The following PCDHGB1 variants were observed in gnomAD, a reference collection of about 807,000 sequenced individuals.
The protein encoded by PCDHGB1 is protocadherin gamma-B1.
Under a neutral mutation model 56.6 loss-of-function variants are expected in PCDHGB1, and 34 were observed. The observed-to-expected ratio is 0.60, with a 90% CI of 0.46 to 0.80. The LOEUF (loss-of-function observed/expected upper bound fraction) is 0.80, where lower values mean the gene tolerates loss of function less well. PCDHGB1 is among the 30% of genes least tolerant of loss of function. The pLI is 0.00. For synonymous variants in PCDHGB1, 561 were observed against 505.9 expected, an observed-to-expected ratio of 1.11 and a Z score of -1.46; for missense variants, 1,278 against 1,204.6, an observed-to-expected ratio of 1.06 and a Z score of -0.90.
At position 141,413,888 on chromosome 5, in the gene PCDHGB1, A is replaced by G. The variant is rs777389288; in HGVS notation, c.2409+61219A>G. On this transcript the variant is annotated intron_variant, in intron 1 of 3. Transcript: ENST00000523390. Reference sequence around the variant, plus strand: ...GTCCTTGTCAGTGTGACTGTCTTCGATGCAAATGACAACGCGCCGGTCTTC... The same window carrying G: ...GTCCTTGTCAGTGTGACTGTCTTCGGTGCAAATGACAACGCGCCGGTCTTC... The G allele has an allele frequency of 2.5e-5, 40 of 1,613,256 alleles. No individual in the cohort carries two copies. Among genetic ancestry groups the G allele is most frequent in the Non-Finnish European group, 3.4e-5 (40 of 1,179,886 alleles).
At chr5:141,415,285 G>A (rs1561755891) in intron 1 of PCDHGB1, 3 of 1,614,216 alleles carry the variant, frequency 1.9e-6, no homozygotes, top group Non-Finnish European at 2.5e-6. Context: ...GGTGGCCGCG[G>A]TCTCCTGCGT....
At chr5:141,374,498 G>A in intron 1 of PCDHGB1, 8 of 1,611,504 alleles carry the variant, frequency 5.0e-6, no homozygotes, top group South Asian at 1.1e-5. Context: ...GGAAGAATTG[G>A]AAGTGAAAAT....
At chr5:141,356,818 C>T in intron 1 of PCDHGB1, 1 of 1,613,982 alleles carries the variant, frequency 6.2e-7, no homozygotes, top group Non-Finnish European at 8.5e-7. Context: ...CAGTGGAGAC[C>T]CTCCACTCAG....
Position 141,417,626 on chromosome 5 carries a change from T to C in PCDHGB1, c.2409+64957T>C, listed in dbSNP as rs1156653216. ...CCGTCGGCCAGTGCAGAGCAAGCGC[T>C]GACGCCGGGGATCCCTCAGCCTCTA... On this transcript the variant is annotated intron_variant, in intron 1 of 3. Coordinates refer to ENST00000523390, the MANE Select transcript of PCDHGB1 (RefSeq NM_018922.3). The C allele has an allele frequency of 4.4e-6, 3 of 689,458 alleles. No homozygotes were observed. In the African/African-American group the frequency reaches 5.4e-5, roughly 12 times the overall value. The allele number at this position is 689,458 out of a possible 1,614,324, so 42.7% of individuals were successfully genotyped here. A position where few individuals can be genotyped will look rare whatever the true frequency, so the allele number is the denominator to read the frequency against.
rs746796128 is a variant in PCDHGB1, at chr5:141,350,797, G to C, written c.537G>C (p.Thr179=). 3 of 1,613,996 alleles carry C rather than the reference G, an allele frequency of 1.9e-6. No homozygotes were observed. Among genetic ancestry groups the C allele is most frequent in the Non-Finnish European group, 2.5e-6 (3 of 1,179,888 alleles). The change falls in exon 1 of 4, where the codon ACG becomes ACC. Residue 179 remains threonine (T), a synonymous_variant. Coordinates refer to ENST00000523390, the MANE Select transcript of PCDHGB1 (RefSeq NM_018922.3). ...CCAATCAATACTTCTCTCTGTCAACGAAGGAAAGTCCTGATGGAAGTAAAT... is the reference window on the plus strand; with the variant it reads ...CCAATCAATACTTCTCTCTGTCAACCAAGGAAAGTCCTGATGGAAGTAAAT... ...INPNQYFSLS[T]KESPDGSKYP... is the part of the protein sequence containing the mutation.
intron 1 of PCDHGB1, among the ~76,000 whole-genome samples, chr5:141,465,687 T>C (rs1290838979): frequency 1.3e-5 from 2 of 152,248 alleles, no homozygotes; most frequent in Non-Finnish European, 2.9e-5. Flanking sequence ...TTGACCAGTC[T>C]GCTTTTGCAT....
chr5:141,381,826 C>CTTTTTTTTTTTTTTTTTTT (rs770630741), intron 1 of PCDHGB1, among the ~76,000 whole-genome samples: 6 of 74,282 alleles, frequency 8.1e-5, no homozygotes, highest in Non-Finnish European at 9.4e-5. Context: ...CTTTCTTCTT[C>CTTTTTTTTTTTTTTTTTTT]TTTTTTTTTT....
At chr5:141,394,753 A>G (rs2093084981) in intron 1 of PCDHGB1, 1 of 1,613,278 alleles carries the variant, frequency 6.2e-7, no homozygotes, top group Admixed American at 1.7e-5. Context: ...GTGGCCGTCC[A>G]GGACCATGGC....
At chr5:141,428,290 C>G in intron 1 of PCDHGB1, 2 of 726,802 alleles carry the variant, frequency 2.8e-6, no homozygotes, top group Non-Finnish European at 4.8e-6. Context: ...CCAAGCAAAG[C>G]TGCAGATTTA....
chr5:141,413,283 C>G (rs377443382), intron 1 of PCDHGB1: 1 of 1,613,966 alleles, frequency 6.2e-7, no homozygotes, highest in Admixed American at 1.7e-5. Context: ...GGCAGATCTC[C>G]TACTCAATTC....
At chr5:141,366,229 G>T in intron 1 of PCDHGB1, 1 of 1,613,808 alleles carries the variant, frequency 6.2e-7, no homozygotes, top group South Asian at 1.1e-5. Context: ...GAGCCCTGCT[G>T]GACAGAGACG....
At chr5:141,383,997 T>C (rs1160859584) in intron 1 of PCDHGB1, 1 of 1,613,870 alleles carries the variant, frequency 6.2e-7, no homozygotes, top group Admixed American at 1.7e-5. Flanking sequence ...GGACAGTCAT[T>C]GCTCTTTTCT....
rs372466798 is a variant in PCDHGB1 at position 141,413,407 on chromosome 5, C to T, written c.2409+60738C>T. On this transcript the variant is annotated intron_variant, in intron 1 of 3. Transcript: ENST00000523390. ...CATAGTCTCCAGAGGTAGGACGCAG[C>T]TTTTCTCTCTGAACCCGCGCAGCGG... The T allele has an allele frequency of 6.2e-7, 1 of 1,614,044 alleles. No individual in the cohort carries two copies. The highest frequency in any genetic ancestry group is 8.5e-7 in the Non-Finnish European group (1 of 1,179,938).
intron 2 of PCDHGB1, among the ~76,000 whole-genome samples, chr5:141,499,772 C>T (rs1217675128): frequency 1.0e-4 from 15 of 147,946 alleles, no homozygotes; most frequent in Admixed American, 9.0e-4. Context: ...CTGCAGCCTT[C>T]GCCTCCCGGG....
At chr5:141,404,779 C>G in intron 1 of PCDHGB1, 1 of 1,613,746 alleles carries the variant, frequency 6.2e-7, no homozygotes, top group Non-Finnish European at 8.5e-7. Context: ...ACCGCCTATT[C>G]AAGGCCAGTG....
rs776990176 is a variant in PCDHGB1 at position 141,485,136 on chromosome 5, C to A, written c.2410-9671C>A. ...GTTTGGGGCGGGTCGGCTTCATCCG[C>A]GTCTCAGGAGCAAGTAGAGAATTAG... On this transcript the variant is annotated intron_variant, in intron 1 of 3. Transcript: ENST00000523390. The surrounding 1 kb of genome is among the most constrained non-coding windows in gnomAD (Gnocchi z 5.7). The A allele has an allele frequency of 4.0e-6, 6 of 1,502,706 alleles. No individual in the cohort carries two copies. The South Asian group carries it at 5.9e-5, about 15-fold the overall frequency. The allele number at this position is 1,502,706 out of a possible 1,614,324, so 93.1% of individuals were successfully genotyped here.
chr5:141,360,097 T>C, intron 1 of PCDHGB1: 1 of 1,527,810 alleles, frequency 6.5e-7, no homozygotes, highest in Non-Finnish European at 8.8e-7. Flanking sequence ...CCGGAAGGCT[T>C]ATTCCTCCTA....
Position 141,350,641 on chromosome 5 carries a change from A to G in PCDHGB1, c.381A>G (p.Ala127=), listed in dbSNP as rs750953545. ...TAATCCAAGATATTAATGACAATGC[A>G]CCACGTTTCGTTGCAAAAGGCATTG... ...VVVIQDINDN[A]PRFVAKGIDL... The change falls in exon 1 of 4, where the codon GCA becomes GCG. Residue 127 remains alanine (A), a synonymous_variant. Coordinates refer to ENST00000523390, the MANE Select transcript of PCDHGB1 (RefSeq NM_018922.3). 6.2e-7 allele frequency: 1 copy of G among 1,614,024 alleles called. No homozygotes were observed. Among genetic ancestry groups the G allele is most frequent in the Non-Finnish European group, 8.5e-7 (1 of 1,179,902 alleles).
At chr5:141,426,432 C>T (rs1239073805) in intron 1 of PCDHGB1, 2 of 295,812 alleles carry the variant, frequency 6.8e-6, no homozygotes, top group African/African-American at 2.2e-5. Flanking sequence ...TGGTGGGGAA[C>T]CTTGCGGAGG....
Sources: gnomAD v4.1 joint callset for allele counts (sites outside exome capture counted in the v4.1 genomes callset) on GRCh38, gnomAD v4.1.1 for gene constraint, Gnocchi (gnomAD v3.1) non-coding constraint, MANE v1.5 for transcripts, NCBI Gene and HGNC (gene_info 2026-07-23, HGNC 2026-07-21) for gene names.